PTPRA: variants seen among roughly 807,000 people sequenced by gnomAD.
The protein encoded by PTPRA is protein tyrosine phosphatase receptor type A.
PTPRA carries 25 observed loss-of-function variants against 104.8 expected under a neutral mutation model. The ratio of observed to expected loss-of-function variants is 0.24; its 90% confidence interval spans 0.17 to 0.33. PTPRA has a LOEUF of 0.33. Among genes scored for constraint, PTPRA ranks in the 10% least tolerant of loss-of-function variants. The pLI, the probability that PTPRA is intolerant of heterozygous loss-of-function variation, is 1.00. For missense variants in PTPRA, 765 were observed against 1,015.3 expected (o/e 0.75, Z 3.35); for synonymous variants, 323 against 368.9 (o/e 0.88, Z 1.43).
chr20:3,028,559 C>A (rs541230428), intron 20 of PTPRA, among the ~76,000 whole-genome samples: 22 of 152,330 alleles, frequency 1.4e-4, no homozygotes, highest in Non-Finnish European at 2.8e-4. Flanking sequence ...TCCCTCACCC[C>A]CCACATTATG....
At chr20:3,005,191 C>T in intron 10 of PTPRA, 45 bp downstream of exon 10, 1 of 1,504,754 alleles carries the variant, frequency 6.6e-7, no homozygotes, top group Non-Finnish European at 9.2e-7. Context: ...GAAATTACAT[C>T]TCTGGAGGGA....
chr20:3,030,361 A>G lies in PTPRA; in HGVS notation c.1920+2520A>G, dbSNP rs183134598. Among the ~76,000 whole-genome samples the G allele has an allele frequency of 3.0e-3, 462 of 152,306 alleles. 1 individual carries two copies. Among genetic ancestry groups the G allele is most frequent in the Middle Eastern group, 0.01 (3 of 294 alleles). ...ATGCTCTGTCTTCCTAGGCCAGTGAAGCAGACAGTAGTGCTTGCCCTCAAA... is the reference window on the plus strand; with the variant it reads ...ATGCTCTGTCTTCCTAGGCCAGTGAGGCAGACAGTAGTGCTTGCCCTCAAA... On this transcript the variant is annotated intron_variant, in intron 20 of 23. Coordinates refer to ENST00000399903, the MANE Select transcript of PTPRA (RefSeq NM_001385305.1).
intron 17 of PTPRA, among the ~76,000 whole-genome samples, chr20:3,025,101 A>G (rs1156974975): frequency 6.6e-6 from 1 of 152,190 alleles, no homozygotes; most frequent in African/African-American, 2.4e-5. Flanking sequence ...TAGCTCCTAT[A>G]TGCCACTAGA....
At chr20:2,921,861 C>T (rs1326578130) in intron 1 of PTPRA, among the ~76,000 whole-genome samples, 1 of 152,154 alleles carries the variant, frequency 6.6e-6, no homozygotes, top group African/African-American at 2.4e-5. Flanking sequence ...GGCTCTTGTA[C>T]TACCACTTTG....
At chr20:3,018,677 C>T (rs1388930633) in intron 13 of PTPRA, among the ~76,000 whole-genome samples, 2 of 151,580 alleles carry the variant, frequency 1.3e-5, no homozygotes, top group African/African-American at 4.9e-5. Flanking sequence ...CCCCACCTTT[C>T]CCCCCTTTCT....
rs764007562 is a variant in PTPRA at position 2,964,820 on chromosome 20, C to T, written c.74-41C>T. 15 of 1,520,380 alleles carry T rather than the reference C, an allele frequency of 9.9e-6. No individual in the cohort carries two copies. In the East Asian group the frequency reaches 3.2e-4, roughly 32 times the overall value. The allele number at this position is 1,520,380 out of a possible 1,614,324, so 94.2% of individuals were successfully genotyped here. A position where few individuals can be genotyped will look rare whatever the true frequency, so the allele number is the denominator to read the frequency against. ...TGTGTCTCACAGCTTTTTAGCCTCA[C>T]ATTCTTCATGTGCTATTTCCTTGTT... On this transcript the variant is annotated intron_variant, in intron 4 of 23. Transcript: ENST00000399903.
At chr20:2,879,880 C>T (rs2089953121) in intron 1 of PTPRA, among the ~76,000 whole-genome samples, 1 of 152,086 alleles carries the variant, frequency 6.6e-6, no homozygotes, top group Admixed American at 6.6e-5. Flanking sequence ...TGTGTAAGTA[C>T]CTTTTATGAT....
Position 3,022,053 on chromosome 20 carries a change from G to C in PTPRA, c.1162-1G>C. 6.2e-7 allele frequency: 1 copy of C among 1,614,098 alleles called. No individual in the cohort carries two copies. On this transcript the variant is annotated splice_acceptor_variant, in intron 14 of 23. Transcript: ENST00000399903. LOFTEE classifies it high-confidence loss of function. The surrounding 1 kb of genome is among the most constrained non-coding windows in gnomAD (Gnocchi z 4.6). ...ACACACAGGATCTCCTCACTTCACA[G>C]GTGGGCGACATGACCAACAGAAAGC...
the PTPRA span, chr20:2,865,906 AAC>A: frequency 2.1e-6 from 1 of 485,944 alleles, no homozygotes; most frequent in Non-Finnish European, 3.7e-6. The surrounding 1 kb of genome is among the most constrained non-coding windows in gnomAD (Gnocchi z 5.2). Flanking sequence ...ATCACAAGAG[AAC>A]ACAGGAAATG....
chr20:2,910,157 GTCATATATAA>G (rs1230078250), intron 1 of PTPRA, among the ~76,000 whole-genome samples: 1 of 79,276 alleles, frequency 1.3e-5, no homozygotes, highest in Non-Finnish European at 2.4e-5. Context: ...TATACTATAC[GTCATATATAA>G]TATGACGTAT....
chr20:3,008,367 C>A (rs2063972692), intron 11 of PTPRA, among the ~76,000 whole-genome samples: 1 of 152,048 alleles, frequency 6.6e-6, no homozygotes. Context: ...AAGCCAGTCA[C>A]AAAAGGACAA....
chr20:3,034,966 G>A (rs1411401955), intron 20 of PTPRA, among the ~76,000 whole-genome samples: 1 of 152,094 alleles, frequency 6.6e-6, no homozygotes, highest in Non-Finnish European at 1.5e-5. Context: ...TGCAAGGTGT[G>A]GGGAATACAG....
intron 5 of PTPRA, among the ~76,000 whole-genome samples, chr20:2,968,041 T>G (rs1398565407): frequency 6.6e-6 from 1 of 152,202 alleles, no homozygotes; most frequent in Non-Finnish European, 1.5e-5. Flanking sequence ...CACAGATACA[T>G]CAGCCTGAGA....
intron 6 of PTPRA, among the ~76,000 whole-genome samples, chr20:2,977,765 G>GA (rs11481825): frequency 0.24 from 36,718 of 150,058 alleles, 7,237 homozygotes; most frequent in African/African-American, 0.53. Flanking sequence ...AAGGAGTCCA[G>GA]AAAAAATTTT....
chr20:2,864,646 G>A, the PTPRA span: 2 of 1,614,016 alleles, frequency 1.2e-6, no homozygotes, highest in Non-Finnish European at 1.7e-6. This position sits in a 1 kb window ranked among gnomAD's most constrained non-coding sequence, Gnocchi z 5.2. Context: ...CAGCTATGCT[G>A]CAGAAGAGGT....
intron 1 of PTPRA, among the ~76,000 whole-genome samples, chr20:2,919,945 A>C (rs773527584): frequency 6.6e-6 from 1 of 152,250 alleles, no homozygotes; most frequent in Non-Finnish European, 1.5e-5. Flanking sequence ...TAACATTTAC[A>C]TGTTCATAAA....
chr20:2,954,654 T>G (rs2061473184), intron 3 of PTPRA, among the ~76,000 whole-genome samples: 1 of 152,218 alleles, frequency 6.6e-6, no homozygotes, highest in Admixed American at 6.5e-5. Context: ...GGATTGCTTT[T>G]TCATTCTGTT....
rs77278959 is a variant in PTPRA at position 2,933,059 on chromosome 20, T to C, written c.-50+9774T>C. ...GTTTAGCAAATGGCACATGGCATTATAGACTAAGTCCCAAATCAGTAGATT... is the reference window on the plus strand; with the variant it reads ...GTTTAGCAAATGGCACATGGCATTACAGACTAAGTCCCAAATCAGTAGATT... On this transcript the variant is annotated intron_variant, in intron 2 of 23. Transcript: ENST00000399903. 2.7e-3 allele frequency among the ~76,000 whole-genome samples: 412 copies of C among 152,362 alleles called. 2 individuals carry two copies. The highest frequency in any genetic ancestry group is 4.5e-3 in the Non-Finnish European group (308 of 68,030).
At chr20:2,865,080 C>T in the PTPRA span, 92 of 1,614,038 alleles carry the variant, frequency 5.7e-5, no homozygotes, top group East Asian at 2.0e-3. The surrounding 1 kb of genome is among the most constrained non-coding windows in gnomAD (Gnocchi z 5.2). Flanking sequence ...TTTCCAAGAG[C>T]CTCCTCGTCT....
Sources: gnomAD v4.1 joint callset for allele counts (sites outside exome capture counted in the v4.1 genomes callset) on GRCh38, gnomAD v4.1.1 for gene constraint, Gnocchi (gnomAD v3.1) non-coding constraint, MANE v1.5 for transcripts, NCBI Gene and HGNC (gene_info 2026-07-23, HGNC 2026-07-21) for gene names.